Variants in MYO1E observed in about 807,000 individuals in gnomAD.
MYO1E encodes the protein myosin IE.
MYO1E carries 68 observed loss-of-function variants against 151.1 expected under a neutral mutation model. The observed-to-expected ratio is 0.45, with a 90% confidence interval of 0.37 to 0.55. MYO1E has a LOEUF of 0.55. Ranked by LOEUF, MYO1E falls within the 20% of genes least tolerant of loss-of-function variation. The probability of loss-of-function intolerance (pLI) is 0.00; values close to 1 mark genes in which losing one functional copy is unlikely to be tolerated. For synonymous variants in MYO1E, 601 were observed against 501.7 expected (o/e 1.20, Z -2.64); for missense variants, 1,363 against 1,389.3 (o/e 0.98, Z 0.30).
chr15:59,214,542 T>G, intron 11 of MYO1E, 98 bp downstream of exon 11: 1 of 1,233,816 alleles, frequency 8.1e-7, no homozygotes. Context: ...GTGGTTTGTT[T>G]TCTGTTTTTT....
Position 59,161,355 on chromosome 15 carries a change from C to T in MYO1E, c.2628-125G>A, listed in dbSNP as rs2079537372. Reference sequence around the variant, plus strand: ...ATGAGGCGAGAACGGACAATCTACACCAGGAGCAGGGCCCTGAGGATGCGC... The same window carrying T: ...ATGAGGCGAGAACGGACAATCTACATCAGGAGCAGGGCCCTGAGGATGCGC... On this transcript the variant is annotated intron_variant, in intron 23 of 27. Transcript: ENST00000288235. The T allele has an allele frequency of 1.2e-5, 13 of 1,099,076 alleles. No homozygotes were observed. In the South Asian group the frequency reaches 2.0e-4, roughly 17 times the overall value. The allele number at this position is 1,099,076 out of a possible 1,614,324, so 68.1% of individuals were successfully genotyped here.
At chr15:59,327,790 T>C (rs2080674491) in intron 1 of MYO1E, among the ~76,000 whole-genome samples, 1 of 152,120 alleles carries the variant, frequency 6.6e-6, no homozygotes, top group South Asian at 2.1e-4. Context: ...TCGATGTATT[T>C]TTATAAGCAG....
chr15:59,192,533 G>C (rs2079740324), intron 17 of MYO1E, among the ~76,000 whole-genome samples: 1 of 151,968 alleles, frequency 6.6e-6, no homozygotes, highest in African/African-American at 2.4e-5. Context: ...GTGTGCTAGG[G>C]GGCATTGATC....
chr15:59,208,986 A>G (rs1172001721), intron 13 of MYO1E, 138 bp from the exon 14 acceptor site: 16 of 1,052,482 alleles, frequency 1.5e-5, no homozygotes, highest in Non-Finnish European at 2.1e-5. Context: ...CCCTTCAGGC[A>G]AGAATGCAAT....
intron 26 of MYO1E, among the ~76,000 whole-genome samples, chr15:59,149,823 G>T (rs2079465712): frequency 6.6e-6 from 1 of 152,240 alleles, no homozygotes; most frequent in African/African-American, 2.4e-5. Context: ...GATTGGTAAA[G>T]TCAAGGTGAC....
At chr15:59,149,389 T>A (rs199821109) in intron 26 of MYO1E, among the ~76,000 whole-genome samples, 5,827 of 152,220 alleles carry the variant, frequency 0.038, 233 homozygotes, top group African/African-American at 0.099. Flanking sequence ...TTGCCTAACC[T>A]CTTCCCTTTC....
At chr15:59,232,115 GA>G (rs1242753874) in intron 5 of MYO1E, among the ~76,000 whole-genome samples, 2 of 152,148 alleles carry the variant, frequency 1.3e-5, no homozygotes, top group African/African-American at 4.8e-5. Flanking sequence ...AGTGGTACCT[GA>G]AGGGGCGTGT....
chr15:59,269,661 T>A (rs1454404995), intron 2 of MYO1E, among the ~76,000 whole-genome samples: 2 of 151,786 alleles, frequency 1.3e-5, no homozygotes, highest in African/African-American at 4.8e-5. Flanking sequence ...ATTGAGACCA[T>A]CCCGGCCAAC....
At chr15:59,340,280 A>C (rs1218866332) in intron 1 of MYO1E, among the ~76,000 whole-genome samples, 1 of 152,184 alleles carries the variant, frequency 6.6e-6, no homozygotes, top group Non-Finnish European at 1.5e-5. Context: ...ACTGAACTCC[A>C]GCCAGGATGA....
chr15:59,188,269 G>T, intron 17 of MYO1E, 53 bp from the exon 18 acceptor site: 1 of 1,457,740 alleles, frequency 6.9e-7, no homozygotes, highest in Non-Finnish European at 9.6e-7. Context: ...CCTTTCACTC[G>T]TGTTCTTACC....
At chr15:59,184,377 G>C (rs1425891614) in intron 18 of MYO1E, among the ~76,000 whole-genome samples, 1 of 151,514 alleles carries the variant, frequency 6.6e-6, no homozygotes. Context: ...TTTTTTTTGA[G>C]ACACAGTCTT....
chr15:59,203,767 T>C (rs10851644), intron 15 of MYO1E, among the ~76,000 whole-genome samples: 60,457 of 152,068 alleles, frequency 0.4, 12,577 homozygotes, highest in East Asian at 0.62. Flanking sequence ...TTACTCATCT[T>C]AGTGTCCCTG....
At chr15:59,149,500 C>T (rs536597206) in intron 26 of MYO1E, among the ~76,000 whole-genome samples, 1 of 152,182 alleles carries the variant, frequency 6.6e-6, no homozygotes, top group Non-Finnish European at 1.5e-5. Flanking sequence ...CTCAGTGTTT[C>T]CTGGAGAATG....
intron 1 of MYO1E, among the ~76,000 whole-genome samples, chr15:59,304,040 C>T (rs1410000031): frequency 3.4e-5 from 5 of 147,368 alleles, no homozygotes; most frequent in South Asian, 2.1e-4. Flanking sequence ...TGGAGTGCAA[C>T]GGCGCAATCT....
At chr15:59,207,249 T>C (rs201500040) in intron 14 of MYO1E, 150 of 1,614,196 alleles carry the variant, frequency 9.3e-5, no homozygotes, top group Admixed American at 6.3e-4. Context: ...TGGATCTTGA[T>C]GAAGACAAAC....
At chr15:59,155,789 G>A (rs2079506308) in intron 25 of MYO1E, among the ~76,000 whole-genome samples, 1 of 151,920 alleles carries the variant, frequency 6.6e-6, no homozygotes, top group Non-Finnish European at 1.5e-5. Context: ...GTTTCTCACT[G>A]CTGGGCCCCA....
At chr15:59,347,878 GTAAT>G (rs1378791051) in intron 1 of MYO1E, among the ~76,000 whole-genome samples, 4 of 152,188 alleles carry the variant, frequency 2.6e-5, no homozygotes, top group Non-Finnish European at 5.9e-5. Context: ...AAATATGTAT[GTAAT>G]TACATAATTT....
intron 9 of MYO1E, among the ~76,000 whole-genome samples, chr15:59,221,469 G>A (rs1031372453): frequency 1.2e-4 from 19 of 152,142 alleles, no homozygotes; most frequent in African/African-American, 3.4e-4. Context: ...TACCTCTGAC[G>A]AGGGGAACAA....
At chr15:59,241,508 C>A (rs1017082316) in intron 4 of MYO1E, among the ~76,000 whole-genome samples, 1 of 152,092 alleles carries the variant, frequency 6.6e-6, no homozygotes, top group African/African-American at 2.4e-5. Context: ...CAAGAGCAGC[C>A]TGGCCGACAT....
Sources: gnomAD v4.1 joint callset for allele counts (sites outside exome capture counted in the v4.1 genomes callset) on GRCh38, gnomAD v4.1.1 for gene constraint, MANE v1.5 for transcripts, NCBI Gene and HGNC (gene_info 2026-07-23, HGNC 2026-07-21) for gene names.